The following CHD7 variants were observed in gnomAD, a reference collection of about 807,000 sequenced individuals.
CHD7 encodes the protein chromodomain helicase DNA binding protein 7, also known as ATP-dependent chromatin remodeler CHD7.
In CHD7, 24 loss-of-function variants were observed where a neutral mutation model predicts 307.3. The ratio of observed to expected loss-of-function variants is 0.08; its 90% confidence interval spans 0.06 to 0.11. The LOEUF (loss-of-function observed/expected upper bound fraction) is 0.11, where lower values mean the gene tolerates loss of function less well. Among genes scored for constraint, CHD7 ranks in the 10% least tolerant of loss-of-function variants. The pLI is 1.00. For synonymous variants in CHD7, 1,363 were observed against 1,349.9 expected (o/e 1.01, Z -0.21); for missense variants, 3,106 against 3,727.1 (o/e 0.83, Z 4.34).
At position 60,852,591 on chromosome 8, in the gene CHD7, A is replaced by G. The variant is rs2150808862; in HGVS notation, c.5988A>G (p.Gln1996=). 1 of 1,613,950 alleles carries G rather than the reference A, an allele frequency of 6.2e-7. No homozygotes were observed. The highest frequency in any genetic ancestry group is 1.3e-5 in the African/African-American group (1 of 75,032). The change falls in exon 30 of 38, where the codon CAA becomes CAG. Residue 1996 remains glutamine, a synonymous_variant. Coordinates refer to ENST00000423902, the MANE Select transcript of CHD7 (RefSeq NM_017780.4). ...TGAAACAGCAATTTGACTGGAACCA[A>G]TTTAGAGCCTTTGCCAGGCTTGACA... The part of the protein sequence containing the change: ...DPVKQQFDWN[Q]FRAFARLDKK...
chr8:60,799,299 G>T (rs1812183961), intron 4 of CHD7, among the ~76,000 whole-genome samples: 1 of 152,178 alleles, frequency 6.6e-6, no homozygotes, highest in Admixed American at 6.5e-5. Flanking sequence ...GCATGTTTAA[G>T]TTTTGATAGA....
chr8:60,800,225 T>G (rs568515858), intron 4 of CHD7, among the ~76,000 whole-genome samples, 163 bp from the exon 5 acceptor site: 30 of 151,964 alleles, frequency 2.0e-4, no homozygotes, highest in Middle Eastern at 3.4e-3. Flanking sequence ...GTAGAGACGG[T>G]GTTTCACCAT....
chr8:60,778,894 G>A (rs984127638), intron 2 of CHD7, among the ~76,000 whole-genome samples: 1 of 152,202 alleles, frequency 6.6e-6, no homozygotes, highest in African/African-American at 2.4e-5. Context: ...CTGTTGATGT[G>A]TAAGAGTGTT....
intron 3 of CHD7, among the ~76,000 whole-genome samples, chr8:60,784,932 G>C (rs1281283886): frequency 6.6e-6 from 1 of 151,902 alleles, no homozygotes; most frequent in Admixed American, 6.6e-5. Flanking sequence ...TATATTTTTT[G>C]TATCGATTTT....
chr8:60,787,967 A>G (rs1811581020), intron 3 of CHD7, among the ~76,000 whole-genome samples: 2 of 151,226 alleles, frequency 1.3e-5, no homozygotes, highest in Admixed American at 1.3e-4. Flanking sequence ...GTCTACAGGC[A>G]TGCACCACCA....
intron 1 of CHD7, among the ~76,000 whole-genome samples, chr8:60,724,740 A>T (rs527765788): frequency 6.6e-6 from 1 of 152,174 alleles, no homozygotes; most frequent in East Asian, 1.9e-4. Context: ...GAGATGTCAC[A>T]ATTGGACATC....
At chr8:60,763,342 G>C (rs943352180) in intron 2 of CHD7, among the ~76,000 whole-genome samples, 3 of 152,008 alleles carry the variant, frequency 2.0e-5, no homozygotes, top group African/African-American at 7.3e-5. Flanking sequence ...TCTCAGTTTG[G>C]ATTGGCCACA....
intron 15 of CHD7, among the ~76,000 whole-genome samples, 176 bp from the exon 16 acceptor site, chr8:60,835,897 G>T (rs997384803): frequency 6.6e-6 from 1 of 152,100 alleles, no homozygotes; most frequent in South Asian, 2.1e-4. Context: ...TACCCCTTTT[G>T]TACATCCACA....
At chr8:60,679,992 C>T (rs1356557984) in intron 1 of CHD7, among the ~76,000 whole-genome samples, 3 of 151,608 alleles carry the variant, frequency 2.0e-5, no homozygotes, top group African/African-American at 7.3e-5. Context: ...CCGGGGCGAG[C>T]GCCGGGAGGC....
At chr8:60,849,978 A>G (rs1218631667) in intron 25 of CHD7, among the ~76,000 whole-genome samples, 1 of 152,182 alleles carries the variant, frequency 6.6e-6, no homozygotes, top group African/African-American at 2.4e-5. Flanking sequence ...TTTGAAAACC[A>G]TAGAGGGAAC....
intron 36 of CHD7, 45 bp downstream of exon 36, chr8:60,862,381 C>A: frequency 6.4e-7 from 1 of 1,565,164 alleles, no homozygotes. Context: ...ATTTCTTAGC[C>A]CAGAAGGAAG....
At chr8:60,780,977 C>T (rs45505899) in intron 2 of CHD7, 23 bp from the exon 3 acceptor site, 361 of 1,501,446 alleles carry the variant, frequency 2.4e-4, no homozygotes, top group Middle Eastern at 2.0e-3. Flanking sequence ...AAACTAATTT[C>T]AATTCCTATT....
chr8:60,789,523 A>G (rs1254320956), intron 3 of CHD7, among the ~76,000 whole-genome samples: 1 of 152,224 alleles, frequency 6.6e-6, no homozygotes. Flanking sequence ...TTGTCCAGAC[A>G]TTCTCATTAG....
chr8:60,837,959 A>T, intron 18 of CHD7, 117 bp from the exon 19 acceptor site: 1 of 1,264,298 alleles, frequency 7.9e-7, no homozygotes, highest in African/African-American at 1.5e-5. Context: ...ATTTTGTAAC[A>T]CTTTCCTTTG....
At chr8:60,843,091 G>A (rs970249294) in intron 21 of CHD7, among the ~76,000 whole-genome samples, 1 of 152,180 alleles carries the variant, frequency 6.6e-6, no homozygotes. Context: ...TCATCATGTT[G>A]TTTACAATTT....
At chr8:60,760,974 C>T (rs1347283913) in intron 2 of CHD7, among the ~76,000 whole-genome samples, 2 of 152,230 alleles carry the variant, frequency 1.3e-5, no homozygotes, top group Admixed American at 6.5e-5. Context: ...CCATTTGACC[C>T]AGCCATCCCA....
chr8:60,750,637 G>A (rs1809597253), intron 2 of CHD7, among the ~76,000 whole-genome samples: 1 of 152,164 alleles, frequency 6.6e-6, no homozygotes, highest in African/African-American at 2.4e-5. Flanking sequence ...CATGTAGTCA[G>A]TATAAAAAAT....
At chr8:60,716,871 G>GCA (rs995777775) in intron 1 of CHD7, among the ~76,000 whole-genome samples, 16 of 152,162 alleles carry the variant, frequency 1.1e-4, no homozygotes, top group African/African-American at 3.9e-4. Context: ...GTTCTCTGTA[G>GCA]CACACTTTTT....
chr8:60,861,903 A>T lies in CHD7; in HGVS notation c.7831-293A>T, dbSNP rs553185808. On this transcript the variant is annotated intron_variant, in intron 35 of 37. Coordinates refer to ENST00000423902, the MANE Select transcript of CHD7 (RefSeq NM_017780.4). The stretch of plus-strand genomic sequence containing the variant: ...TAGAAATTAGTAAAAGTACTACAGA[A>T]AGCCTCCTTTAAAAGTATCATGACT... The T allele has an allele frequency of 7.1e-4, 150 of 210,806 alleles. 1 individual carries two copies. Among genetic ancestry groups the T allele is most frequent in the Non-Finnish European group, 1.1e-3 (116 of 105,754 alleles). 13.1% of individuals were successfully genotyped at this position (210,806 alleles called of 1,614,324 possible). A position where few individuals can be genotyped will look rare whatever the true frequency, so the allele number is the denominator to read the frequency against.
Sources: allele counts gnomAD v4.1 joint callset (sites outside exome capture counted in the v4.1 genomes callset), GRCh38; gene constraint gnomAD v4.1.1; transcripts MANE v1.5; gene names NCBI Gene and HGNC (gene_info 2026-07-23, HGNC 2026-07-21).